Variants in GALNT12 observed in about 807,000 individuals in gnomAD.
GALNT12 encodes polypeptide N-acetylgalactosaminyltransferase 12, also known as UDP-GalNAc:polypeptide N-acetylgalactosaminyltransferase 12.
GALNT12 carries 45 observed loss-of-function variants against 55.5 expected under a neutral mutation model. The observed-to-expected ratio is 0.81, with a 90% confidence interval of 0.64 to 1.04. GALNT12 has a LOEUF of 1.04. Ranked by LOEUF, GALNT12 falls within the 50% of genes least tolerant of loss-of-function variation. GALNT12 has a pLI of 0.00. For synonymous variants in GALNT12, 304 were observed against 312.2 expected (o/e 0.97, Z 0.28); for missense variants, 709 against 754.8 (o/e 0.94, Z 0.71).
Position 98,823,368 on chromosome 9 carries a change from A to G in GALNT12, c.484A>G (p.Thr162Ala). 3.1e-6 allele frequency: 5 copies of G among 1,614,180 alleles called. No homozygotes were observed. Among genetic ancestry groups the G allele is most frequent in the Non-Finnish European group, 4.2e-6 (5 of 1,179,984 alleles). Residue 162 changes from threonine to alanine, a missense_variant, in exon 2 of 10, where the codon ACA (threonine) becomes GCA (alanine). By Grantham distance (58) the Thr-to-Ala change is moderately conservative (BLOSUM62 0). Around this residue, in one of 5 missense-constraint regions of GALNT12, gnomAD observed 315 missense variants for 288.6 expected, o/e 1.09. Transcript: ENST00000375011. ...LLRTVYSVLE[T>A]SPDILLEEVI... is the part of the protein sequence containing the mutation. ...TCGGACAGTTTACAGTGTCCTTGAG[A>G]CATCCCCGGATATCCTGCTAGAAGA...
intron 1 of GALNT12, 137 bp downstream of exon 1, chr9:98,808,206 T>C (rs1239481407): frequency 3.1e-6 from 2 of 646,772 alleles, no homozygotes; most frequent in East Asian, 6.1e-5. Flanking sequence ...AAGACGATAG[T>C]GTAAGAGCTC....
intron 1 of GALNT12, among the ~76,000 whole-genome samples, chr9:98,819,882 G>T (rs1031946426): frequency 1.3e-5 from 2 of 152,180 alleles, no homozygotes; most frequent in African/African-American, 4.8e-5. Flanking sequence ...CAGGTGCTCT[G>T]TGAACTGACC....
At chr9:98,847,307 C>G (rs1355069849) in intron 9 of GALNT12, 1 of 152,164 alleles carries the variant, frequency 6.6e-6, no homozygotes, top group African/African-American at 2.4e-5. Context: ...TTGTCACTAG[C>G]AATGACATTT....
At chr9:98,817,638 AT>A (rs780593207) in intron 1 of GALNT12, among the ~76,000 whole-genome samples, 29 of 151,476 alleles carry the variant, frequency 1.9e-4, no homozygotes, top group Non-Finnish European at 3.7e-4. Context: ...TAATTTTTGT[AT>A]TTTTAGTAGA....
chr9:98,807,821 TG>T lies in GALNT12; in HGVS notation c.127del (p.Ala43ProfsTer100). ...TGGGCTCGGTGCTGCGGGCGCAGCG[TG>T]GGGCCGGGGCCGGGGCTGCCGAGCC... ...GLGSVLRAQR[G>X]AGAGAAEPGP... On this transcript the variant is annotated frameshift_variant, in exon 1 of 10. Coordinates refer to ENST00000375011, the MANE Select transcript of GALNT12 (RefSeq NM_024642.5). LOFTEE classifies it high-confidence loss of function. The T allele has an allele frequency of 9.6e-7, 1 of 1,042,508 alleles. No individual in the cohort carries two copies. The highest frequency in any genetic ancestry group is 1.1e-6 in the Non-Finnish European group (1 of 871,714). 64.6% of individuals were successfully genotyped at this position (1,042,508 alleles called of 1,614,324 possible). A position where few individuals can be genotyped will look rare whatever the true frequency, so the allele number is the denominator to read the frequency against.
chr9:98,823,856 A>G (rs1332829796), intron 2 of GALNT12, among the ~76,000 whole-genome samples: 1 of 152,134 alleles, frequency 6.6e-6, no homozygotes, highest in Non-Finnish European at 1.5e-5. Flanking sequence ...CTGGGTGAGG[A>G]TGGAGGCAAG....
At chr9:98,830,692 A>C (rs1254090361) in intron 3 of GALNT12, among the ~76,000 whole-genome samples, 2 of 152,208 alleles carry the variant, frequency 1.3e-5, no homozygotes, top group Non-Finnish European at 2.9e-5. Context: ...AAATAAGCGG[A>C]TGTTGGTGGA....
intron 1 of GALNT12, among the ~76,000 whole-genome samples, chr9:98,817,527 G>A (rs188685289): frequency 1.9e-3 from 282 of 151,988 alleles, no homozygotes; most frequent in Non-Finnish European, 2.9e-3. Flanking sequence ...GCAATGGCGC[G>A]ATCTTGGCTC....
chr9:98,816,475 G>C (rs1017321127), intron 1 of GALNT12, among the ~76,000 whole-genome samples: 2 of 151,048 alleles, frequency 1.3e-5, no homozygotes, highest in African/African-American at 4.9e-5. Flanking sequence ...CTAAAGGATT[G>C]TTCTCTACAT....
Position 98,807,916 on chromosome 9 carries a change from AC to A in GALNT12, c.219del (p.Asn73LysfsTer70). 8.2e-7 allele frequency: 1 copy of A among 1,222,926 alleles called. No homozygotes were observed. The highest frequency in any genetic ancestry group is 3.3e-5 in the East Asian group (1 of 30,346). 75.8% of individuals were successfully genotyped at this position (1,222,926 alleles called of 1,614,324 possible). Reference protein sequence around the residue: ...PVMPRPPVPANALGARGEAVR... With the variant: ...PVMPRPPVPAXALGARGEAVR... ...ATGCCGCGGCCGCCGGTGCCGGCGA[AC>A]GCGCTGGGCGCGCGGGGCGAGGCGG... On this transcript the variant is annotated frameshift_variant, in exon 1 of 10. Coordinates refer to ENST00000375011, the MANE Select transcript of GALNT12 (RefSeq NM_024642.5). LOFTEE classifies it high-confidence loss of function.
intron 1 of GALNT12, 106 bp from the exon 2 acceptor site, chr9:98,823,150 A>G: frequency 2.0e-6 from 2 of 1,016,526 alleles, no homozygotes; most frequent in Admixed American, 1.7e-5. Flanking sequence ...TCAGTGGATT[A>G]TGTCCCCTTC....
rs561951588 is a variant in GALNT12 at position 98,823,127 on chromosome 9, T to C, written c.372-129T>C. The C allele has an allele frequency of 2.0e-4, 173 of 853,496 alleles. 1 individual carries two copies. Among genetic ancestry groups the C allele is most frequent in the Admixed American group, 1.8e-4 (10 of 54,362 alleles). The allele number at this position is 853,496 out of a possible 1,614,324, so 52.9% of individuals were successfully genotyped here. A position where few individuals can be genotyped will look rare whatever the true frequency, so the allele number is the denominator to read the frequency against. ...GGGCTCCTAGTGCCACAAGGGGAGC[T>C]CTGGAAGATCCTTCAGTGGATTATG... On this transcript the variant is annotated intron_variant, in intron 1 of 9. Coordinates refer to ENST00000375011, the MANE Select transcript of GALNT12 (RefSeq NM_024642.5).
intron 9 of GALNT12, among the ~76,000 whole-genome samples, chr9:98,847,816 T>C (rs111772880): frequency 1.0e-3 from 119 of 117,930 alleles, no homozygotes; most frequent in African/African-American, 1.2e-3. Context: ...TGGATCTTTT[T>C]TTTTTTTTTT....
Position 98,831,869 on chromosome 9 carries a change from G to T in GALNT12, c.829G>T (p.Gly277Cys), listed in dbSNP as rs200420144. The change falls in exon 4 of 10, where the codon GGC becomes TGC. Residue 277 changes from glycine (G) to cysteine (C), a missense_variant. This residue lies in a region of GALNT12 where 315 missense variants were observed against 288.6 expected (regional missense o/e 1.09). Transcript: ENST00000375011. Reference sequence around the variant, plus strand: ...GGGGAACTCCGGGGAGCCCCAGATCGGCGGTTTCGACTGGAGGCTGGTGTT... The same window carrying T: ...GGGGAACTCCGGGGAGCCCCAGATCTGCGGTTTCGACTGGAGGCTGGTGTT... Reference protein sequence around the residue: ...YLGNSGEPQIGGFDWRLVFTW... With the variant: ...YLGNSGEPQICGFDWRLVFTW... 1 of 1,614,044 alleles carries T rather than the reference G, an allele frequency of 6.2e-7. No homozygotes were observed. Among genetic ancestry groups the T allele is most frequent in the African/African-American group, 1.3e-5 (1 of 74,918 alleles).
At chr9:98,839,860 CTG>C in intron 6 of GALNT12, 140 bp from the exon 7 acceptor site, 2 of 991,012 alleles carry the variant, frequency 2.0e-6, no homozygotes, top group Non-Finnish European at 3.2e-6. Flanking sequence ...TTTCTATCCT[CTG>C]TGCTCCACAC....
chr9:98,837,193 C>G, intron 6 of GALNT12, 45 bp downstream of exon 6: 1 of 1,590,838 alleles, frequency 6.3e-7, no homozygotes. Context: ...TTCATCTGAA[C>G]AACAGCAGCT....
chr9:98,823,690 G>A (rs559087850), intron 2 of GALNT12, among the ~76,000 whole-genome samples: 1 of 152,346 alleles, frequency 6.6e-6, no homozygotes, highest in Admixed American at 6.5e-5. Context: ...TTGCAGGATG[G>A]GCAGGGCCAG....
chr9:98,845,238 T>C (rs1025201459), intron 8 of GALNT12, among the ~76,000 whole-genome samples: 4 of 152,068 alleles, frequency 2.6e-5, no homozygotes, highest in Non-Finnish European at 5.9e-5. Context: ...AAGCAGCTTT[T>C]CAGGAGATAA....
At chr9:98,824,063 C>T (rs1835808631) in intron 2 of GALNT12, among the ~76,000 whole-genome samples, 1 of 152,210 alleles carries the variant, frequency 6.6e-6, no homozygotes, top group Non-Finnish European at 1.5e-5. Flanking sequence ...CAGCCTGTCT[C>T]AAAGGGAAGC....
Sources: gnomAD v4.1 joint callset for allele counts (sites outside exome capture counted in the v4.1 genomes callset) on GRCh38, gnomAD v4.1.1 for gene constraint, gnomAD v4.1.1 regional missense constraint, MANE v1.5 for transcripts, NCBI Gene and HGNC (gene_info 2026-07-23, HGNC 2026-07-21) for gene names.